DPYSL5: variants seen among roughly 807,000 people sequenced by gnomAD.
The protein encoded by DPYSL5 is dihydropyrimidinase-related protein 5.
Under a neutral mutation model 58.4 loss-of-function variants are expected in DPYSL5, and 9 were observed. That is an observed-to-expected ratio of 0.15 (90% CI 0.09 to 0.27). DPYSL5 has a LOEUF of 0.27. Among genes scored for constraint, DPYSL5 ranks in the 10% least tolerant of loss-of-function variants. DPYSL5 has a pLI of 1.00. For missense variants in DPYSL5, 499 were observed against 770.6 expected, an observed-to-expected ratio of 0.65 and a Z score of 4.17; for synonymous variants, 293 against 301.9, an observed-to-expected ratio of 0.97 and a Z score of 0.31.
chr2:26,920,690 G>C (rs1046863473), intron 2 of DPYSL5, among the ~76,000 whole-genome samples: 4 of 152,166 alleles, frequency 2.6e-5, no homozygotes, highest in Admixed American at 6.5e-5. Context: ...ACTTGAACTC[G>C]GGAGGCGGAG....
intron 1 of DPYSL5, among the ~76,000 whole-genome samples, chr2:26,854,714 T>C (rs1369581663): frequency 6.6e-6 from 1 of 152,218 alleles, no homozygotes; most frequent in Non-Finnish European, 1.5e-5. Flanking sequence ...CAACAGATAA[T>C]ATTGAAAGAA....
chr2:26,856,022 G>T (rs1368329652), intron 1 of DPYSL5, among the ~76,000 whole-genome samples: 1 of 152,076 alleles, frequency 6.6e-6, no homozygotes, highest in African/African-American at 2.4e-5. Context: ...TTGTCAAGTG[G>T]CAATACACAT....
chr2:26,848,387 C>A (rs1416022318), intron 1 of DPYSL5, 133 bp downstream of exon 1: 1 of 151,818 alleles, frequency 6.6e-6, no homozygotes, highest in Non-Finnish European at 1.5e-5. Context: ...CCGCAGGGGA[C>A]GCGGCGGGAG....
rs944987224 is a variant in DPYSL5 at position 26,849,566 on chromosome 2, C to A, written c.-5+1312C>A. ...GACTCGCTTAGGGTTTTGTGATCTT[C>A]CGCGGCGCCCACGGCACGCCCTTTT... On this transcript the variant is annotated intron_variant, in intron 1 of 12. Transcript: ENST00000288699. This position sits in a 1 kb window ranked among gnomAD's most constrained non-coding sequence, Gnocchi z 6.2. 2.6e-5 allele frequency among the ~76,000 whole-genome samples: 4 copies of A among 152,180 alleles called. No individual in the cohort carries two copies. Among genetic ancestry groups the A allele is most frequent in the African/African-American group, 9.6e-5 (4 of 41,468 alleles).
chr2:26,923,700 G>T (rs776525459), intron 2 of DPYSL5, among the ~76,000 whole-genome samples: 16 of 152,078 alleles, frequency 1.1e-4, no homozygotes, highest in Non-Finnish European at 1.6e-4. Context: ...CACCCTTGTT[G>T]CCCAGGCTGG....
intron 1 of DPYSL5, among the ~76,000 whole-genome samples, chr2:26,888,205 TTTC>T (rs1416627828): frequency 7.4e-6 from 1 of 135,810 alleles, no homozygotes; most frequent in African/African-American, 3.0e-5. Context: ...CTTCCTTCCC[TTTC>T]TTTTCTTTCT....
intron 8 of DPYSL5, among the ~76,000 whole-genome samples, chr2:26,938,125 C>T (rs1665229167): frequency 6.6e-6 from 1 of 152,216 alleles, no homozygotes; most frequent in South Asian, 2.1e-4. Context: ...GGCTTCCTAC[C>T]TCCCAGATTC....
At chr2:26,886,743 G>A (rs968188580) in intron 1 of DPYSL5, among the ~76,000 whole-genome samples, 1 of 152,126 alleles carries the variant, frequency 6.6e-6, no homozygotes, top group Admixed American at 6.5e-5. Flanking sequence ...GATTTGGCAT[G>A]TTTCAACTCA....
chr2:26,865,420 A>G (rs938818450), intron 1 of DPYSL5, among the ~76,000 whole-genome samples: 1 of 150,848 alleles, frequency 6.6e-6, no homozygotes, highest in African/African-American at 2.4e-5. Flanking sequence ...TCCCAGGTTC[A>G]AGCAATTCTC....
At chr2:26,872,763 C>T (rs907745588) in intron 1 of DPYSL5, among the ~76,000 whole-genome samples, 1 of 151,042 alleles carries the variant, frequency 6.6e-6, no homozygotes, top group Non-Finnish European at 1.5e-5. Context: ...GAGCCAAGAT[C>T]ATGCAACTGC....
rs995553525 is a variant in DPYSL5, at chr2:26,944,263, C to T, written c.1441-393C>T. ...TCGCACCACTGCACTCCAGCATGGG[C>T]GACAGAGTGAGACTCTGTCTCAAAA... On this transcript the variant is annotated intron_variant, in intron 11 of 12. Transcript: ENST00000288699. This position sits in a 1 kb window ranked among gnomAD's most constrained non-coding sequence, Gnocchi z 4.4. Among the ~76,000 whole-genome samples, 6 of 151,924 alleles carry T rather than the reference C, an allele frequency of 3.9e-5. No individual in the cohort carries two copies. Among genetic ancestry groups the T allele is most frequent in the South Asian group, 2.1e-4 (1 of 4,814 alleles).
chr2:26,898,652 T>C lies in DPYSL5; in HGVS notation c.153T>C (p.Ile51=). ...TGATCCCTGGCGGGGCCAAGGTGAT[T>C]GATGCCACAGGAAAACTGGTGATCC... The part of the protein sequence containing the change: ...ELMIPGGAKV[I]DATGKLVIPG... Residue 51 remains isoleucine, a synonymous_variant, in exon 2 of 13, where the codon ATT becomes ATC. Coordinates refer to ENST00000288699, the MANE Select transcript of DPYSL5 (RefSeq NM_020134.4). This position sits in a 1 kb window ranked among gnomAD's most constrained non-coding sequence, Gnocchi z 6.1. 1 of 1,614,170 alleles carries C rather than the reference T, an allele frequency of 6.2e-7. No homozygotes were observed. The highest frequency in any genetic ancestry group is 8.5e-7 in the Non-Finnish European group (1 of 1,180,024).
intron 2 of DPYSL5, among the ~76,000 whole-genome samples, chr2:26,914,729 GC>G (rs1197831552): frequency 6.6e-6 from 1 of 152,140 alleles, no homozygotes; most frequent in Non-Finnish European, 1.5e-5. Flanking sequence ...GCCAGGGCAG[GC>G]TGAAATCAGG....
In DPYSL5 at chr2:26,877,516, C is replaced by T. The variant is rs1469728976; in HGVS notation, c.-4-20980C>T. On this transcript the variant is annotated intron_variant, in intron 1 of 12. Coordinates refer to ENST00000288699, the MANE Select transcript of DPYSL5 (RefSeq NM_020134.4). The surrounding 1 kb of genome is among the most constrained non-coding windows in gnomAD (Gnocchi z 4.1). ...GTACATGCTGGGAAGATCATGTCAACCCTTGGAGCAGCTAGTGTTTAATCA... is the reference window on the plus strand; with the variant it reads ...GTACATGCTGGGAAGATCATGTCAATCCTTGGAGCAGCTAGTGTTTAATCA... Among the ~76,000 whole-genome samples the T allele has an allele frequency of 2.6e-5, 4 of 152,148 alleles. No individual in the cohort carries two copies. The highest frequency in any genetic ancestry group is 1.3e-4 in the Admixed American group (2 of 15,270).
intron 1 of DPYSL5, among the ~76,000 whole-genome samples, chr2:26,866,528 T>C (rs1215699786): frequency 6.6e-6 from 1 of 151,870 alleles, no homozygotes; most frequent in African/African-American, 2.4e-5. Context: ...TTTTCTTTCT[T>C]TGTTAAAAAA....
intron 1 of DPYSL5, among the ~76,000 whole-genome samples, chr2:26,896,120 T>C (rs944902614): frequency 2.0e-5 from 3 of 152,210 alleles, no homozygotes; most frequent in African/African-American, 7.2e-5. Flanking sequence ...AGGTTCCACG[T>C]AGGAGTGAGA....
chr2:26,907,309 T>C (rs908628122), intron 2 of DPYSL5, among the ~76,000 whole-genome samples: 2 of 151,934 alleles, frequency 1.3e-5, no homozygotes, highest in Admixed American at 1.3e-4. Context: ...AGACGGAGTT[T>C]CTCCATGTTG....
chr2:26,936,900 C>A (rs187892174), intron 8 of DPYSL5, among the ~76,000 whole-genome samples: 228 of 144,292 alleles, frequency 1.6e-3, no homozygotes, highest in African/African-American at 5.6e-3. Flanking sequence ...GAGCTGAGAT[C>A]GCACAACTGC....
chr2:26,859,681 G>T (rs1665963261), intron 1 of DPYSL5, among the ~76,000 whole-genome samples: 1 of 152,202 alleles, frequency 6.6e-6, no homozygotes. Flanking sequence ...GATAGCACCT[G>T]ATGTTGGCCA....
Sources: allele counts gnomAD v4.1 joint callset (sites outside exome capture counted in the v4.1 genomes callset), GRCh38; gene constraint gnomAD v4.1.1; non-coding constraint Gnocchi (gnomAD v3.1); transcripts MANE v1.5; gene names NCBI Gene and HGNC (gene_info 2026-07-23, HGNC 2026-07-21).